The following RAD23A variants were observed in gnomAD, a reference collection of about 807,000 sequenced individuals.
RAD23A encodes the protein RAD23 nucleotide excision repair protein A.
In RAD23A, 16 loss-of-function variants were observed where a neutral mutation model predicts 44.8. The ratio of observed to expected loss-of-function variants is 0.36; its 90% confidence interval spans 0.24 to 0.54. The LOEUF is 0.54. Ranked by LOEUF, RAD23A falls within the 20% of genes least tolerant of loss-of-function variation. The pLI is 0.89. For missense variants in RAD23A, 380 were observed against 483.3 expected (o/e 0.79, Z 2.00); for synonymous variants, 217 against 202.9 (o/e 1.07, Z -0.59).
At chr19:12,947,404 C>T (rs551752014) in intron 1 of RAD23A, among the ~76,000 whole-genome samples, 5 of 152,274 alleles carry the variant, frequency 3.3e-5, no homozygotes, top group Non-Finnish European at 5.9e-5. Context: ...CCAGCATGGG[C>T]GGCAGCGAGA....
chr19:12,948,864 GT>G lies in RAD23A; in HGVS notation c.600+52del, dbSNP rs754532454. ...GGAGGCCTTGAGGGAGTACCCGGGC[GT>G]CACTGCCCTGATGGGCGGTTGGGAA... On this transcript the variant is annotated intron_variant, in intron 5 of 8. Transcript: ENST00000586534. The surrounding 1 kb of genome is among the most constrained non-coding windows in gnomAD (Gnocchi z 5.5). The G allele has an allele frequency of 6.4e-7, 1 of 1,564,440 alleles. No homozygotes were observed. Among genetic ancestry groups the G allele is most frequent in the Non-Finnish European group, 8.6e-7 (1 of 1,158,942 alleles).
At position 12,952,802 on chromosome 19, in the gene RAD23A, G is replaced by A. The variant is rs560202217; in HGVS notation, c.927G>A (p.Pro309=). The change falls in exon 8 of 9, where the codon CCG becomes CCA. Residue 309 remains proline, a synonymous_variant. Coordinates refer to ENST00000586534, the MANE Select transcript of RAD23A (RefSeq NM_005053.4). ...TGGGCGCCATAGGAGAGGAGGCCCC[G>A]CAGATGAACTACATCCAGGTGACGC... ...GEVGAIGEEA[P]QMNYIQVTPQ... is the part of the protein sequence containing the mutation. 20 of 1,611,296 alleles carry A rather than the reference G, an allele frequency of 1.2e-5. 1 individual carries two copies. Among genetic ancestry groups the A allele is most frequent in the Middle Eastern group, 1.7e-4 (1 of 6,024 alleles).
In RAD23A at chr19:12,948,561, G is replaced by A; in HGVS notation, c.472+9G>A. 2 of 1,590,450 alleles carry A rather than the reference G, an allele frequency of 1.3e-6. No individual in the cohort carries two copies. The highest frequency in any genetic ancestry group is 2.3e-5 in the South Asian group (2 of 88,080). On this transcript the variant is annotated intron_variant, in intron 4 of 8. Transcript: ENST00000586534. This position sits in a 1 kb window ranked among gnomAD's most constrained non-coding sequence, Gnocchi z 5.5. ...CGCGGCCTCCACGCTAGGTGGGTGGGTGGTCCCCAGGGCAGAGGTGACTGG... is the reference window on the plus strand; with the variant it reads ...CGCGGCCTCCACGCTAGGTGGGTGGATGGTCCCCAGGGCAGAGGTGACTGG...
At chr19:12,946,080 C>CGGGGGGTTGGGGGGGGGGGGGGGGGGG (rs1971664264) in intron 1 of RAD23A, 60 bp downstream of exon 1, 1 of 198,782 alleles carries the variant, frequency 5.0e-6, no homozygotes, top group Non-Finnish European at 9.2e-6. Flanking sequence ...GGGGTGGGGG[C>CGGGGGGTTGGGGGGGGGGGGGGGGGGG]GGGGAGGCTA....
In RAD23A at chr19:12,952,857, A is replaced by G. The variant is rs1330950342; in HGVS notation, c.978+4A>G. 1 of 1,603,820 alleles carries G rather than the reference A, an allele frequency of 6.2e-7. No homozygotes were observed. The highest frequency in any genetic ancestry group is 8.5e-7 in the Non-Finnish European group (1 of 1,173,818). On this transcript the variant is annotated splice_donor_region_variant and intron_variant, in intron 8 of 8. Coordinates refer to ENST00000586534, the MANE Select transcript of RAD23A (RefSeq NM_005053.4). ...GGAGAAAGAAGCTATAGAGAGGGTA[A>G]GAGGCCTGGCTGAGGGGTGACTGCA...
Position 12,948,885 on chromosome 19 carries a change from T to C in RAD23A, c.600+72T>C, listed in dbSNP as rs915924032. The stretch of plus-strand genomic sequence containing the variant: ...GGGCGTCACTGCCCTGATGGGCGGT[T>C]GGGAAGGCAAAACCTGCCCTGAAAA... On this transcript the variant is annotated intron_variant, in intron 5 of 8. Coordinates refer to ENST00000586534, the MANE Select transcript of RAD23A (RefSeq NM_005053.4). The surrounding 1 kb of genome is among the most constrained non-coding windows in gnomAD (Gnocchi z 5.5). 3.9e-6 allele frequency: 6 copies of C among 1,553,094 alleles called. No homozygotes were observed. In the African/African-American group the frequency reaches 8.2e-5, roughly 21 times the overall value.
intron 7 of RAD23A, chr19:12,949,713 G>A: frequency 2.2e-6 from 1 of 459,566 alleles, no homozygotes; most frequent in Non-Finnish European, 4.0e-6. Flanking sequence ...CCTGCCTCGG[G>A]GTGGGGTCCT....
chr19:12,946,172 C>T (rs1021265674), intron 1 of RAD23A, 152 bp downstream of exon 1: 2 of 754,566 alleles, frequency 2.7e-6, no homozygotes, highest in African/African-American at 1.9e-5. Flanking sequence ...CCTGGACCCC[C>T]CGATGGTCTT....
At chr19:12,952,570 C>T in intron 7 of RAD23A, 119 bp from the exon 8 acceptor site, 1 of 1,205,084 alleles carries the variant, frequency 8.3e-7, no homozygotes, top group Non-Finnish European at 1.2e-6. Flanking sequence ...TGTGTTTGGC[C>T]AGAACAGGCT....
chr19:12,948,227 T>C lies in RAD23A; in HGVS notation c.285T>C (p.Ala95=). The C allele has an allele frequency of 6.2e-7, 1 of 1,614,072 alleles. No individual in the cohort carries two copies. The highest frequency in any genetic ancestry group is 8.5e-7 in the Non-Finnish European group (1 of 1,180,006). The change falls in exon 3 of 9, where the codon GCT becomes GCC. Residue 95 remains alanine (A), a synonymous_variant. Transcript: ENST00000586534. The surrounding 1 kb of genome is among the most constrained non-coding windows in gnomAD (Gnocchi z 5.5). ...TSAPPEASPT[A]APESSTSFPP... ...CACCCCCAGAGGCCTCACCCACAGCTGCCCCAGAGTCCTCTACATCCTTCC... is the reference window on the plus strand; with the variant it reads ...CACCCCCAGAGGCCTCACCCACAGCCGCCCCAGAGTCCTCTACATCCTTCC...
chr19:12,949,710 C>T (rs1036062447), intron 7 of RAD23A: 11 of 455,986 alleles, frequency 2.4e-5, no homozygotes, highest in African/African-American at 1.4e-4. Context: ...CCTCCTGCCT[C>T]GGGGTGGGGT....
At position 12,945,888 on chromosome 19, in the gene RAD23A, G is replaced by A. The variant is rs534012880; in HGVS notation, c.-61G>A. 1.7e-5 allele frequency: 26 copies of A among 1,558,596 alleles called. 1 individual carries two copies. The South Asian group carries it at 2.7e-4, about 16-fold the overall frequency. On this transcript the variant is annotated 5_prime_UTR_variant, in exon 1 of 9. Transcript: ENST00000586534. ...CGGCGCGCCTGGGCGCTAAGATGGC[G>A]GCGGCGTGAGTTGCATGTTGTGTGA...
intron 7 of RAD23A, among the ~76,000 whole-genome samples, chr19:12,951,761 C>T (rs1312766271): frequency 2.0e-5 from 3 of 152,118 alleles, no homozygotes; most frequent in Non-Finnish European, 4.4e-5. Context: ...CACTCTGTTC[C>T]TGCTTCTGTT....
In RAD23A at chr19:12,948,519, A is replaced by G. The variant is rs369026746; in HGVS notation, c.439A>G (p.Ser147Gly). The G allele has an allele frequency of 3.1e-6, 5 of 1,594,920 alleles. No individual in the cohort carries two copies. The highest frequency in any genetic ancestry group is 3.4e-6 in the Non-Finnish European group (4 of 1,170,476). ...VSGSVPSSGS[S>G]GREEDAASTL... ...CAGCTCTGTTCCCTCTTCAGGTAGC[A>G]GCGGGCGAGAGGAAGACGCGGCCTC... The change falls in exon 4 of 9, where the codon AGC becomes GGC. Residue 147 changes from serine to glycine, a missense_variant. Transcript: ENST00000586534. The surrounding 1 kb of genome is among the most constrained non-coding windows in gnomAD (Gnocchi z 5.5).
chr19:12,948,956 C>T lies in RAD23A; in HGVS notation c.601-125C>T. 2 of 1,527,134 alleles carry T rather than the reference C, an allele frequency of 1.3e-6. No homozygotes were observed. The highest frequency in any genetic ancestry group is 2.3e-4 in the Middle Eastern group (1 of 4,328). The allele number at this position is 1,527,134 out of a possible 1,614,324, so 94.6% of individuals were successfully genotyped here. On this transcript the variant is annotated intron_variant, in intron 5 of 8. Transcript: ENST00000586534. This position sits in a 1 kb window ranked among gnomAD's most constrained non-coding sequence, Gnocchi z 5.5. ...GCCACTAAAGGCTTCCCACAGGAGGCTGGATGTGAGTGATGGGTGGGCCTC... is the reference window on the plus strand; with the variant it reads ...GCCACTAAAGGCTTCCCACAGGAGGTTGGATGTGAGTGATGGGTGGGCCTC...
chr19:12,952,152 G>A (rs544985147), intron 7 of RAD23A, among the ~76,000 whole-genome samples: 1 of 151,372 alleles, frequency 6.6e-6, no homozygotes, highest in African/African-American at 2.4e-5. Context: ...CGAACTCCAG[G>A]CTGGTCTAGA....
At position 12,948,656 on chromosome 19, in the gene RAD23A, G is replaced by C. The variant is rs201274463; in HGVS notation, c.473-30G>C. The C allele has an allele frequency of 4.5e-5, 72 of 1,600,196 alleles. No homozygotes were observed. The African/African-American group carries it at 7.2e-4, about 16-fold the overall frequency. Reference sequence around the variant, plus strand: ...TGGGAGCTGCCCTTTCCTCTTCCTGGTGACCTAGGCTTTGCTGCTTCCTCC... The same window carrying C: ...TGGGAGCTGCCCTTTCCTCTTCCTGCTGACCTAGGCTTTGCTGCTTCCTCC... On this transcript the variant is annotated intron_variant, in intron 4 of 8. Coordinates refer to ENST00000586534, the MANE Select transcript of RAD23A (RefSeq NM_005053.4). The surrounding 1 kb of genome is among the most constrained non-coding windows in gnomAD (Gnocchi z 5.5).
Position 12,953,168 on chromosome 19 carries a change from C to T in RAD23A, c.*119C>T. 1.4e-6 allele frequency: 1 copy of T among 736,966 alleles called. No homozygotes were observed. 45.7% of individuals were successfully genotyped at this position (736,966 alleles called of 1,614,324 possible). A position where few individuals can be genotyped will look rare whatever the true frequency, so the allele number is the denominator to read the frequency against. ...AGAAATGGAAAAAAAAATCAAAAAT[C>T]TTAAAAAAACAAGCAAACAGTCCAG... On this transcript the variant is annotated 3_prime_UTR_variant, in exon 9 of 9. Coordinates refer to ENST00000586534, the MANE Select transcript of RAD23A (RefSeq NM_005053.4).
intron 7 of RAD23A, among the ~76,000 whole-genome samples, chr19:12,952,010 C>T (rs1399773760): frequency 6.6e-6 from 1 of 152,078 alleles, no homozygotes; most frequent in South Asian, 2.1e-4. Context: ...GCAACCTCTG[C>T]CTCCTGTGTT....
Sources: gnomAD v4.1 joint callset for allele counts (sites outside exome capture counted in the v4.1 genomes callset) on GRCh38, gnomAD v4.1.1 for gene constraint, Gnocchi (gnomAD v3.1) non-coding constraint, MANE v1.5 for transcripts, NCBI Gene and HGNC (gene_info 2026-07-23, HGNC 2026-07-21) for gene names.